The following LAMC3 variants were observed in gnomAD, a reference collection of about 807,000 sequenced individuals.
LAMC3 encodes laminin subunit gamma-3.
LAMC3 carries 128 observed loss-of-function variants against 173.8 expected under a neutral mutation model. The ratio of observed to expected loss-of-function variants is 0.74; its 90% CI spans 0.64 to 0.85. The LOEUF (loss-of-function observed/expected upper bound fraction) is 0.85, where lower values mean the gene tolerates loss of function less well. LAMC3 is among the 40% of genes least tolerant of loss of function. LAMC3 has a pLI of 0.00. For missense variants in LAMC3, 2,022 were observed against 2,156.0 expected, an observed-to-expected ratio of 0.94 and a Z score of 1.23; for synonymous variants, 897 against 909.1, an observed-to-expected ratio of 0.99 and a Z score of 0.24.
In LAMC3 at chr9:131,036,425, T is replaced by C. The variant is rs111682341; in HGVS notation, c.976+93T>C. 51 of 1,425,460 alleles carry C rather than the reference T, an allele frequency of 3.6e-5. No homozygotes were observed. In the African/African-American group the frequency reaches 5.3e-4, roughly 15 times the overall value. The allele number at this position is 1,425,460 out of a possible 1,614,324, so 88.3% of individuals were successfully genotyped here. A position where few individuals can be genotyped will look rare whatever the true frequency, so the allele number is the denominator to read the frequency against. On this transcript the variant is annotated intron_variant, in intron 4 of 27. Transcript: ENST00000361069. The stretch of plus-strand genomic sequence containing the variant: ...CCCAAAACGTCGTGGTGGGGGCTGC[T>C]CCTGGGTACGCCCCGGGGGCAGCTC...
rs371821285 is a variant in LAMC3, at chr9:131,079,283, A to G, written c.3912A>G (p.Thr1304=). The G allele has an allele frequency of 8.7e-6, 14 of 1,614,088 alleles. No individual in the cohort carries two copies. In the East Asian group the frequency reaches 1.8e-4, roughly 21 times the overall value. The change falls in exon 23 of 28, where the codon ACA becomes ACG. Residue 1304 remains threonine, a synonymous_variant. Transcript: ENST00000361069. ...QTAAQATLRQ[T]EPLTKLHQEA... The stretch of plus-strand genomic sequence containing the variant: ...CTGCCCAGGCGACGCTACGGCAAAC[A>G]GAACCCCTCACAAAGGTCAGCTCTT...
intron 8 of LAMC3, among the ~76,000 whole-genome samples, chr9:131,046,608 G>T (rs4642699): frequency 0.014 from 1,776 of 123,414 alleles, 40 homozygotes; most frequent in African/African-American, 0.053. Context: ...AGGCAATCCC[G>T]CCCACCTCGG....
intron 1 of LAMC3, among the ~76,000 whole-genome samples, chr9:131,013,321 G>T (rs1312921343): frequency 6.6e-6 from 1 of 152,132 alleles, no homozygotes; most frequent in Non-Finnish European, 1.5e-5. Flanking sequence ...TGTGGCTTTC[G>T]GTGGGCTGGG....
At chr9:131,021,163 G>A (rs1443693494) in intron 1 of LAMC3, 1 of 152,172 alleles carries the variant, frequency 6.6e-6, no homozygotes, top group Non-Finnish European at 1.5e-5. Flanking sequence ...TCTCTCCGTA[G>A]TTTTTCCTGG....
intron 1 of LAMC3, among the ~76,000 whole-genome samples, chr9:131,010,211 G>C (rs1028735986): frequency 6.7e-6 from 1 of 148,898 alleles, no homozygotes; most frequent in African/African-American, 2.5e-5. Flanking sequence ...TATGGTCCCA[G>C]CTACTCAAGA....
intron 1 of LAMC3, among the ~76,000 whole-genome samples, chr9:131,020,499 TCTC>T (rs1833606673): frequency 6.6e-6 from 1 of 152,202 alleles, no homozygotes; most frequent in African/African-American, 2.4e-5. Context: ...ATTGCCAAGT[TCTC>T]CTCTAACCTG....
rs576087546 is a variant in LAMC3 at position 131,032,028 on chromosome 9, T to G, written c.679-17T>G. 6.2e-7 allele frequency: 1 copy of G among 1,614,034 alleles called. No individual in the cohort carries two copies. The highest frequency in any genetic ancestry group is 1.3e-5 in the African/African-American group (1 of 75,014). On this transcript the variant is annotated splice_polypyrimidine_tract_variant and intron_variant, in intron 2 of 27. Coordinates refer to ENST00000361069, the MANE Select transcript of LAMC3 (RefSeq NM_006059.4). ...ACTCAGGAACCTGCTGATGGCACCC[T>G]CTCCCCTCTGCCCCAGGAGTGGGTC...
In LAMC3 at chr9:131,036,187, C is replaced by G. The variant is rs1833939638; in HGVS notation, c.831C>G (p.Ala277=). The stretch of plus-strand genomic sequence containing the variant: ...CCAGGTGCAAGTGCAACGGGCATGC[C>G]AGCGAGTGCGGCCCCGACGTGGCAG... ...VGGRCKCNGH[A]SECGPDVAGQ... is the part of the protein sequence containing the mutation. The change falls in exon 4 of 28, where the codon GCC becomes GCG. Residue 277 remains alanine, a synonymous_variant. Coordinates refer to ENST00000361069, the MANE Select transcript of LAMC3 (RefSeq NM_006059.4). 2 of 1,613,230 alleles carry G rather than the reference C, an allele frequency of 1.2e-6. No individual in the cohort carries two copies. The highest frequency in any genetic ancestry group is 2.7e-5 in the African/African-American group (2 of 75,030).
chr9:131,060,516 C>T (rs866206670), intron 12 of LAMC3, among the ~76,000 whole-genome samples: 6 of 151,954 alleles, frequency 3.9e-5, no homozygotes, highest in African/African-American at 1.5e-4. Context: ...TGGTGACGCA[C>T]GCCTGTAACC....
At chr9:131,054,352 C>T (rs756144545) in intron 11 of LAMC3, among the ~76,000 whole-genome samples, 1 of 152,200 alleles carries the variant, frequency 6.6e-6, no homozygotes, top group Non-Finnish European at 1.5e-5. Context: ...TCCCCAGCAC[C>T]CGCAATCCCC....
At chr9:131,011,550 A>T (rs1458319749) in intron 1 of LAMC3, among the ~76,000 whole-genome samples, 2 of 152,062 alleles carry the variant, frequency 1.3e-5, no homozygotes, top group Non-Finnish European at 2.9e-5. Flanking sequence ...GCACACAGGT[A>T]CTGGCTGCCA....
At chr9:131,017,493 G>A (rs1429815775) in intron 1 of LAMC3, among the ~76,000 whole-genome samples, 2 of 151,992 alleles carry the variant, frequency 1.3e-5, no homozygotes, top group African/African-American at 2.4e-5. Context: ...GGGAGGCCGA[G>A]GCCGGCGGAT....
chr9:131,045,232 A>AC (rs1564373768), intron 7 of LAMC3, among the ~76,000 whole-genome samples: 150 of 121,170 alleles, frequency 1.2e-3, no homozygotes, highest in African/African-American at 4.2e-3. Context: ...AAAAAAAAAA[A>AC]AAAACAACAA....
chr9:131,025,939 C>T (rs1040892360), intron 1 of LAMC3, among the ~76,000 whole-genome samples: 3 of 152,156 alleles, frequency 2.0e-5, no homozygotes, highest in Non-Finnish European at 2.9e-5. Flanking sequence ...AACTTTCTAA[C>T]GGTAGAGCAG....
Position 131,091,911 on chromosome 9 carries a change from C to G in LAMC3, c.*124C>G, listed in dbSNP as rs1830434856. On this transcript the variant is annotated 3_prime_UTR_variant, in exon 28 of 28. Transcript: ENST00000361069. ...GGAGCCGGCTGCTGTGAACTCGCCC[C>G]CGTGTGGATAGTCACTCCCTGCCGA... The G allele has an allele frequency of 9.0e-7, 1 of 1,107,604 alleles. No individual in the cohort carries two copies. Among genetic ancestry groups the G allele is most frequent in the African/African-American group, 1.7e-5 (1 of 59,834 alleles). 68.6% of individuals were successfully genotyped at this position (1,107,604 alleles called of 1,614,324 possible). A position where few individuals can be genotyped will look rare whatever the true frequency, so the allele number is the denominator to read the frequency against.
chr9:131,055,891 A>G (rs75693909), intron 11 of LAMC3, among the ~76,000 whole-genome samples: 263 of 152,100 alleles, frequency 1.7e-3, no homozygotes, highest in Non-Finnish European at 3.0e-3. Flanking sequence ...TAGTCTCAAA[A>G]TCTCCTATAA....
chr9:131,059,835 G>A (rs1256456956), intron 12 of LAMC3, among the ~76,000 whole-genome samples: 1 of 152,224 alleles, frequency 6.6e-6, no homozygotes, highest in Non-Finnish European at 1.5e-5. Context: ...GAGCCTATGG[G>A]TGCTGGGCCT....
chr9:131,077,676 C>CAAAAAAAA (rs56320740), intron 22 of LAMC3, among the ~76,000 whole-genome samples: 1 of 27,724 alleles, frequency 3.6e-5, no homozygotes, highest in African/African-American at 1.3e-4. Context: ...GACTCCATCT[C>CAAAAAAAA]AAAAAAAAAA....
chr9:131,028,651 C>G (rs1433877603), intron 2 of LAMC3, among the ~76,000 whole-genome samples: 1 of 152,170 alleles, frequency 6.6e-6, no homozygotes, highest in Admixed American at 6.5e-5. Context: ...AGGCTACCGG[C>G]TCACATCAGC....
Sources: allele counts gnomAD v4.1 joint callset (sites outside exome capture counted in the v4.1 genomes callset), GRCh38; gene constraint gnomAD v4.1.1; transcripts MANE v1.5; gene names NCBI Gene and HGNC (gene_info 2026-07-23, HGNC 2026-07-21).